NCKAP5: variants seen among roughly 807,000 people sequenced by gnomAD.
The protein encoded by NCKAP5 is NCK associated protein 5.
In NCKAP5, 92 loss-of-function variants were observed where a neutral mutation model predicts 167.0. That is an observed-to-expected ratio of 0.55 (90% confidence interval 0.47 to 0.66). The LOEUF is 0.66. NCKAP5 is among the 30% of genes least tolerant of loss of function. NCKAP5 has a pLI of 0.00. For missense variants in NCKAP5, 2,378 were observed against 2,315.0 expected (o/e 1.03, Z -0.56); for synonymous variants, 891 against 877.4 (o/e 1.02, Z -0.27).
At chr2:132,859,127 C>G (rs1239379030) in intron 11 of NCKAP5, among the ~76,000 whole-genome samples, 1 of 152,096 alleles carries the variant, frequency 6.6e-6, no homozygotes, top group African/African-American at 2.4e-5. Flanking sequence ...GCTCCCACCC[C>G]ACAAAATTTT....
chr2:132,895,363 A>C (rs1424607109), intron 8 of NCKAP5, among the ~76,000 whole-genome samples: 2 of 151,884 alleles, frequency 1.3e-5, no homozygotes, highest in Non-Finnish European at 2.9e-5. Context: ...AAAAAAAAAA[A>C]AAAAATCAAA....
intron 8 of NCKAP5, among the ~76,000 whole-genome samples, chr2:132,917,943 A>T (rs1316221361): frequency 6.6e-6 from 1 of 152,172 alleles, no homozygotes; most frequent in African/African-American, 2.4e-5. Flanking sequence ...AACACTAGCT[A>T]TCATTGGCTG....
At chr2:133,167,661 G>T (rs77706341) in intron 5 of NCKAP5, among the ~76,000 whole-genome samples, 2,070 of 152,256 alleles carry the variant, frequency 0.014, 57 homozygotes, top group African/African-American at 0.047. Flanking sequence ...CTGGATCAAA[G>T]CGTAGAACAC....
At chr2:133,323,091 C>A (rs1359557603) in intron 3 of NCKAP5, among the ~76,000 whole-genome samples, 1 of 152,158 alleles carries the variant, frequency 6.6e-6, no homozygotes, top group Non-Finnish European at 1.5e-5. Context: ...ATTCATTCAA[C>A]AAATGGACAC....
the NCKAP5 span, among the ~76,000 whole-genome samples, chr2:133,603,458 C>T: frequency 1.3e-5 from 2 of 152,152 alleles, no homozygotes; most frequent in African/African-American, 2.4e-5. Flanking sequence ...CTCCCCACCT[C>T]AGTTGATCCG....
intron 8 of NCKAP5, among the ~76,000 whole-genome samples, chr2:132,901,993 GT>G (rs962232326): frequency 7.9e-5 from 12 of 152,160 alleles, no homozygotes; most frequent in Non-Finnish European, 1.2e-4. Flanking sequence ...ATTAGCTTTT[GT>G]GCTACTAGTT....
chr2:132,942,758 A>C (rs1033904561), intron 8 of NCKAP5, among the ~76,000 whole-genome samples: 6 of 152,214 alleles, frequency 3.9e-5, no homozygotes, highest in African/African-American at 1.2e-4. Context: ...ATCAAGCAAA[A>C]TTCAGGCTCA....
intron 6 of NCKAP5, among the ~76,000 whole-genome samples, chr2:133,062,983 A>G (rs558159177): frequency 1.1e-4 from 17 of 152,316 alleles, no homozygotes; most frequent in African/African-American, 3.8e-4. Context: ...AATTGGCCCA[A>G]TCCTGGCTGC....
chr2:132,849,940 A>G (rs1340931484), intron 11 of NCKAP5, among the ~76,000 whole-genome samples: 1 of 152,198 alleles, frequency 6.6e-6, no homozygotes, highest in Non-Finnish European at 1.5e-5. Flanking sequence ...AAAGGGTACA[A>G]TGCTGATAAT....
chr2:133,122,974 T>G (rs995035814), intron 6 of NCKAP5: 2 of 152,178 alleles, frequency 1.3e-5, no homozygotes, highest in Non-Finnish European at 2.9e-5. Flanking sequence ...AAGGGTCAAA[T>G]TACTTAACCA....
At chr2:133,447,202 A>T (rs2151185089) in intron 3 of NCKAP5, among the ~76,000 whole-genome samples, 1 of 152,282 alleles carries the variant, frequency 6.6e-6, no homozygotes, top group East Asian at 1.9e-4. Flanking sequence ...AGTAGCAGGA[A>T]AAACAAATTG....
the NCKAP5 span, among the ~76,000 whole-genome samples, chr2:133,597,969 T>C: frequency 7.2e-5 from 11 of 152,166 alleles, no homozygotes; most frequent in South Asian, 4.1e-4. Context: ...AAAACCGGCA[T>C]GGGTATGAAT....
At chr2:133,294,045 C>T (rs371045106) in intron 4 of NCKAP5, among the ~76,000 whole-genome samples, 1 of 152,156 alleles carries the variant, frequency 6.6e-6, no homozygotes, top group Admixed American at 6.5e-5. Flanking sequence ...GTTGGCATAG[C>T]GTGATGTTTT....
chr2:133,009,873 T>A (rs2078094199), intron 6 of NCKAP5, among the ~76,000 whole-genome samples: 1 of 151,728 alleles, frequency 6.6e-6, no homozygotes, highest in Non-Finnish European at 1.5e-5. Context: ...TTCGAGACCA[T>A]CCTGGCCAAC....
chr2:133,315,782 G>A (rs574873179), intron 3 of NCKAP5, among the ~76,000 whole-genome samples: 27 of 152,266 alleles, frequency 1.8e-4, no homozygotes, highest in Middle Eastern at 3.4e-3. Context: ...GGCCATTAGC[G>A]GCCCGACAAA....
chr2:133,601,192 A>G, the NCKAP5 span, among the ~76,000 whole-genome samples: 1 of 152,224 alleles, frequency 6.6e-6, no homozygotes, highest in Non-Finnish European at 1.5e-5. Flanking sequence ...GGCAGGACAG[A>G]GAACCATCTT....
intron 5 of NCKAP5, among the ~76,000 whole-genome samples, chr2:133,190,424 A>G (rs895392722): frequency 1.1e-4 from 17 of 151,138 alleles, no homozygotes; most frequent in Non-Finnish European, 4.5e-5. Context: ...GAAAAAACTA[A>G]AGTTCATATG....
intron 8 of NCKAP5, among the ~76,000 whole-genome samples, chr2:132,880,529 A>G (rs1245817008): frequency 2.0e-5 from 3 of 152,122 alleles, no homozygotes; most frequent in African/African-American, 7.2e-5. Context: ...ATTCGGGAGA[A>G]TGAGGTGAGA....
chr2:133,322,390 G>GT (rs1374402447), intron 3 of NCKAP5, among the ~76,000 whole-genome samples: 1 of 152,318 alleles, frequency 6.6e-6, no homozygotes, highest in East Asian at 1.9e-4. Flanking sequence ...AGCTTAGAGA[G>GT]TGAGCTTGTG....
Sources: gnomAD v4.1 joint callset for allele counts (sites outside exome capture counted in the v4.1 genomes callset) on GRCh38, gnomAD v4.1.1 for gene constraint, MANE v1.5 for transcripts, NCBI Gene and HGNC (gene_info 2026-07-23, HGNC 2026-07-21) for gene names.